The following DENND1A variants were observed in gnomAD, a reference collection of about 807,000 sequenced individuals.
DENND1A encodes DENN domain containing 1A, also known as DENN domain-containing protein 1A.
In DENND1A, 51 loss-of-function variants were observed where a neutral mutation model predicts 113.7. That is an observed-to-expected ratio of 0.45 (90% CI 0.36 to 0.57). DENND1A has a LOEUF of 0.57. Among genes scored for constraint, DENND1A ranks in the 20% least tolerant of loss-of-function variants. The pLI is 0.00. For synonymous variants in DENND1A, 565 were observed against 570.8 expected, an observed-to-expected ratio of 0.99 and a Z score of 0.14; for missense variants, 1,258 against 1,395.9, an observed-to-expected ratio of 0.90 and a Z score of 1.57.
At chr9:123,573,977 AT>A (rs928241634) in intron 12 of DENND1A, among the ~76,000 whole-genome samples, 51 of 147,460 alleles carry the variant, frequency 3.5e-4, no homozygotes, top group Non-Finnish European at 4.2e-4. Context: ...TTTTTCCTAA[AT>A]TTTTTTTTTC....
At chr9:123,632,858 T>C (rs374599833) in intron 9 of DENND1A, among the ~76,000 whole-genome samples, 36 of 152,178 alleles carry the variant, frequency 2.4e-4, no homozygotes, top group Admixed American at 5.9e-4. Context: ...TACTTCCTCT[T>C]CAAAGTCTTC....
chr9:123,523,633 T>A (rs186769183), intron 13 of DENND1A, among the ~76,000 whole-genome samples: 1 of 152,328 alleles, frequency 6.6e-6, no homozygotes, highest in East Asian at 1.9e-4. Flanking sequence ...AAAGGAAAAC[T>A]AGCCAAAAAC....
At chr9:123,554,744 G>C (rs1000812864) in intron 13 of DENND1A, among the ~76,000 whole-genome samples, 1 of 152,090 alleles carries the variant, frequency 6.6e-6, no homozygotes, top group African/African-American at 2.4e-5. Flanking sequence ...ATCTGGATGT[G>C]TCTTATAATT....
chr9:123,527,737 A>ATGTGGTTACTT, intron 13 of DENND1A, among the ~76,000 whole-genome samples: 1 of 152,298 alleles, frequency 6.6e-6, no homozygotes, highest in East Asian at 1.9e-4. Context: ...CCAGTGCCCA[A>ATGTGGTTACTT]TGTGGTTACT....
rs533590465 is a variant in DENND1A, at chr9:123,812,325, A to C, written c.89-19695T>G. ...GGATCCATTCCTTTTAATTGCTATA[A>C]AATTCTTCTATTCAGCTATATAATT... On this transcript the variant is annotated intron_variant, in intron 2 of 23. Coordinates refer to ENST00000394215, the MANE Select transcript of DENND1A (RefSeq NM_001352964.2). 2.6e-5 allele frequency among the ~76,000 whole-genome samples: 4 copies of C among 152,310 alleles called. No homozygotes were observed. In the East Asian group the frequency reaches 5.8e-4, roughly 22 times the overall value.
chr9:123,836,224 T>C (rs1841027529), intron 2 of DENND1A, among the ~76,000 whole-genome samples: 1 of 152,202 alleles, frequency 6.6e-6, no homozygotes, highest in South Asian at 2.1e-4. Context: ...TCCAGGGCAC[T>C]GTCTCCAAAG....
chr9:123,769,803 C>A (rs1387233580), intron 3 of DENND1A, among the ~76,000 whole-genome samples: 3 of 152,080 alleles, frequency 2.0e-5, no homozygotes, highest in Admixed American at 1.3e-4. Flanking sequence ...GCAGCAGGAG[C>A]CATGCAGGAA....
intron 2 of DENND1A, among the ~76,000 whole-genome samples, chr9:123,796,734 A>G (rs544368307): frequency 1.4e-5 from 2 of 147,746 alleles, no homozygotes; most frequent in African/African-American, 5.1e-5. Flanking sequence ...TCATTTGTAC[A>G]TTGGTAACTC....
intron 1 of DENND1A, among the ~76,000 whole-genome samples, chr9:123,923,053 G>A (rs748404033): frequency 2.6e-5 from 4 of 152,024 alleles, no homozygotes; most frequent in South Asian, 2.1e-4. Flanking sequence ...AGGATGTTAC[G>A]AACCCAGAGA....
At chr9:123,414,465 G>C in intron 19 of DENND1A, 1 of 1,510,282 alleles carries the variant, frequency 6.6e-7, no homozygotes, top group Non-Finnish European at 8.9e-7. Flanking sequence ...CATCTCACAG[G>C]GTGTCTGCTG....
At chr9:123,718,496 T>C (rs1182774918) in intron 5 of DENND1A, among the ~76,000 whole-genome samples, 2 of 152,208 alleles carry the variant, frequency 1.3e-5, no homozygotes, top group South Asian at 2.1e-4. Context: ...AATAATGTGA[T>C]TATAGTTGCA....
rs1297354808 is a variant in DENND1A at position 123,812,263 on chromosome 9, T to G, written c.89-19633A>C. ...AGCCTGTTTTTCTAATTCAAAATTA[T>G]GTTTTTGAGAATTACTCATGTTGCT... is the stretch of plus-strand genomic sequence containing the variant. On this transcript the variant is annotated intron_variant, in intron 2 of 23. Transcript: ENST00000394215. Among the ~76,000 whole-genome samples, 4 of 152,362 alleles carry G rather than the reference T, an allele frequency of 2.6e-5. No homozygotes were observed. The East Asian group carries it at 7.7e-4, about 29-fold the overall frequency.
At chr9:123,811,272 T>TC (rs1261146389) in intron 2 of DENND1A, among the ~76,000 whole-genome samples, 3 of 152,180 alleles carry the variant, frequency 2.0e-5, no homozygotes, top group Non-Finnish European at 4.4e-5. Flanking sequence ...ATGTCATTTT[T>TC]CCCCATAAGA....
intron 13 of DENND1A, chr9:123,485,647 C>CGAGT (rs2050765715): frequency 6.0e-5 from 1 of 16,676 alleles, no homozygotes; most frequent in Non-Finnish European, 2.5e-4. Flanking sequence ...TACACACACG[C>CGAGT]GCGCGCGCGC....
intron 10 of DENND1A, among the ~76,000 whole-genome samples, chr9:123,619,493 C>T (rs1423195221): frequency 2.0e-5 from 3 of 152,132 alleles, no homozygotes; most frequent in African/African-American, 7.2e-5. Flanking sequence ...GATCACAGCT[C>T]GTTGCAGCCT....
At chr9:123,544,923 C>T (rs908470691) in intron 13 of DENND1A, among the ~76,000 whole-genome samples, 5 of 151,994 alleles carry the variant, frequency 3.3e-5, no homozygotes, top group Admixed American at 1.3e-4. Context: ...ACGGTGAAAC[C>T]CCGTCTCTAC....
intron 20 of DENND1A, among the ~76,000 whole-genome samples, chr9:123,409,756 G>A (rs973053129): frequency 6.6e-6 from 1 of 152,028 alleles, no homozygotes; most frequent in Admixed American, 6.5e-5. Flanking sequence ...TAATAAACTG[G>A]GCCATTCCTT....
intron 11 of DENND1A, among the ~76,000 whole-genome samples, chr9:123,587,438 C>G (rs141045714): frequency 6.6e-6 from 1 of 152,120 alleles, no homozygotes; most frequent in African/African-American, 2.4e-5. Flanking sequence ...GGAAACAGGA[C>G]GTGAAGCTAG....
At chr9:123,877,589 C>T (rs540052472) in intron 2 of DENND1A, among the ~76,000 whole-genome samples, 2 of 151,876 alleles carry the variant, frequency 1.3e-5, no homozygotes, top group Middle Eastern at 3.4e-3. Flanking sequence ...TTTGGGAGGC[C>T]GAGGTGGGTA....
Sources: allele counts gnomAD v4.1 joint callset (sites outside exome capture counted in the v4.1 genomes callset), GRCh38; gene constraint gnomAD v4.1.1; transcripts MANE v1.5; gene names NCBI Gene and HGNC (gene_info 2026-07-23, HGNC 2026-07-21).